The following EBF3 variants were observed in gnomAD, a reference collection of about 807,000 sequenced individuals.
EBF3 encodes the protein transcription factor COE3.
A neutral mutation model predicts 77.1 loss-of-function variants in EBF3; 18 were observed. The ratio of observed to expected loss-of-function variants is 0.23; its 90% CI spans 0.16 to 0.35. The LOEUF is 0.35. Among genes scored for constraint, EBF3 ranks in the 10% least tolerant of loss-of-function variants. The pLI is 1.00. For synonymous variants in EBF3, 350 were observed against 343.5 expected (o/e 1.02, Z -0.21); for missense variants, 558 against 860.0 (o/e 0.65, Z 4.39).
chr10:129,928,990 G>A (rs1267979423), intron 6 of EBF3, among the ~76,000 whole-genome samples: 1 of 152,226 alleles, frequency 6.6e-6, no homozygotes, highest in Non-Finnish European at 1.5e-5. Flanking sequence ...GTGGTCTGGA[G>A]TGTGGGGAGT....
intron 7 of EBF3, among the ~76,000 whole-genome samples, chr10:129,876,059 T>TGCA (rs1282197058): frequency 2.0e-5 from 3 of 152,246 alleles, no homozygotes; most frequent in African/African-American, 7.2e-5. Context: ...ACACAGGCTT[T>TGCA]GCAGTCATCT....
intron 6 of EBF3, among the ~76,000 whole-genome samples, chr10:129,884,986 G>A (rs1424385022): frequency 1.3e-5 from 2 of 152,072 alleles, no homozygotes; most frequent in East Asian, 1.9e-4. Flanking sequence ...TTTATCTCCT[G>A]ACAAATACCT....
In EBF3 at chr10:129,885,423, G is replaced by C. The variant is rs1202214957; in HGVS notation, c.555-7574C>G. 1.3e-5 allele frequency among the ~76,000 whole-genome samples: 2 copies of C among 152,134 alleles called. No individual in the cohort carries two copies. Among genetic ancestry groups the C allele is most frequent in the Non-Finnish European group, 2.9e-5 (2 of 68,036 alleles). On this transcript the variant is annotated intron_variant, in intron 6 of 16. Coordinates refer to ENST00000440978, the MANE Select transcript of EBF3 (RefSeq NM_001375380.1). The surrounding 1 kb of genome is among the most constrained non-coding windows in gnomAD (Gnocchi z 4.0). ...CGTCAGCCACCCCACTCCGCCCGCT[G>C]TCAGTGTTCTAGTTAGTATTTTCTG...
intron 6 of EBF3, among the ~76,000 whole-genome samples, chr10:129,928,658 C>T (rs946461318): frequency 4.6e-5 from 7 of 152,188 alleles, no homozygotes; most frequent in Non-Finnish European, 8.8e-5. Context: ...AGGCCCTCAC[C>T]GTCTGCTACC....
intron 6 of EBF3, among the ~76,000 whole-genome samples, chr10:129,910,875 A>C (rs1290104424): frequency 6.6e-6 from 1 of 152,182 alleles, no homozygotes; most frequent in African/African-American, 2.4e-5. Context: ...GGTTCCAAGC[A>C]GCTTTACTGC....
intron 4 of EBF3, among the ~76,000 whole-genome samples, chr10:129,959,674 G>A (rs532332722): frequency 3.3e-5 from 5 of 151,882 alleles, no homozygotes; most frequent in African/African-American, 1.2e-4. Flanking sequence ...CCGAGCTCCC[G>A]GGGCCTCCCT....
chr10:129,891,085 T>C (rs1853988279), intron 6 of EBF3, among the ~76,000 whole-genome samples: 1 of 152,210 alleles, frequency 6.6e-6, no homozygotes, highest in South Asian at 2.1e-4. Flanking sequence ...TTTATCTTCA[T>C]GAAAAATGAG....
At chr10:129,925,766 A>T (rs999928221) in intron 6 of EBF3, among the ~76,000 whole-genome samples, 10 of 152,174 alleles carry the variant, frequency 6.6e-5, no homozygotes, top group Admixed American at 3.9e-4. Flanking sequence ...AACAAAAAAC[A>T]TGTTCCAATC....
intron 10 of EBF3, among the ~76,000 whole-genome samples, chr10:129,852,218 T>C (rs1348591106): frequency 6.6e-6 from 1 of 152,220 alleles, no homozygotes. Context: ...CATATTTAAA[T>C]ATATTTGAGT....
intron 10 of EBF3, among the ~76,000 whole-genome samples, chr10:129,865,245 G>A (rs533124433): frequency 1.3e-5 from 2 of 152,314 alleles, no homozygotes; most frequent in African/African-American, 2.4e-5. Flanking sequence ...CAGGTACCTG[G>A]GGCCTACAGA....
At chr10:129,880,382 T>A (rs1042227904) in intron 6 of EBF3, among the ~76,000 whole-genome samples, 5 of 151,826 alleles carry the variant, frequency 3.3e-5, no homozygotes, top group Admixed American at 2.6e-4. Flanking sequence ...CACACTTGCA[T>A]ACACACACAT....
At chr10:129,888,047 C>A (rs186378413) in intron 6 of EBF3, among the ~76,000 whole-genome samples, 2 of 152,198 alleles carry the variant, frequency 1.3e-5, no homozygotes, top group African/African-American at 2.4e-5. Context: ...AAGCTGGGAA[C>A]CTTCTCTTCG....
At chr10:129,876,744 C>G (rs955684339) in intron 7 of EBF3, among the ~76,000 whole-genome samples, 9 of 152,316 alleles carry the variant, frequency 5.9e-5, no homozygotes, top group African/African-American at 2.2e-4. Flanking sequence ...TGTATTCTAG[C>G]CCAGACTATT....
At chr10:129,855,539 G>A (rs1363980493) in intron 10 of EBF3, among the ~76,000 whole-genome samples, 1 of 152,180 alleles carries the variant, frequency 6.6e-6, no homozygotes, top group Non-Finnish European at 1.5e-5. Flanking sequence ...TCGCCTCTGG[G>A]GACGGGACTG....
chr10:129,860,914 G>T (rs571594086), intron 10 of EBF3, among the ~76,000 whole-genome samples: 1 of 152,296 alleles, frequency 6.6e-6, no homozygotes, highest in East Asian at 1.9e-4. Flanking sequence ...TCTGTATGAG[G>T]TATAGTTCAT....
intron 6 of EBF3, among the ~76,000 whole-genome samples, chr10:129,950,014 G>A (rs1481474571): frequency 6.8e-6 from 1 of 147,062 alleles, no homozygotes; most frequent in Admixed American, 6.7e-5. Flanking sequence ...GGTGGAGGGA[G>A]GAGGGAGGAG....
In EBF3 at chr10:129,897,659, C is replaced by T. The variant is rs1185596096; in HGVS notation, c.555-19810G>A. ...CACTGTGCCTGCCTCAGAGCCCTGA[C>T]GGACAGCTGACATTCTCCTATTTAT... On this transcript the variant is annotated intron_variant, in intron 6 of 16. Transcript: ENST00000440978. This position sits in a 1 kb window ranked among gnomAD's most constrained non-coding sequence, Gnocchi z 4.6. Among the ~76,000 whole-genome samples, 5 of 152,126 alleles carry T rather than the reference C, an allele frequency of 3.3e-5. No individual in the cohort carries two copies. The highest frequency in any genetic ancestry group is 5.9e-5 in the Non-Finnish European group (4 of 68,016).
At position 129,864,608 on chromosome 10, in the gene EBF3, T is replaced by C. The variant is rs1346171218; in HGVS notation, c.1039+2533A>G. Among the ~76,000 whole-genome samples, 1 of 152,222 alleles carries C rather than the reference T, an allele frequency of 6.6e-6. No homozygotes were observed. The highest frequency in any genetic ancestry group is 6.5e-5 in the Admixed American group (1 of 15,282). ...CATCCACTAAAGCATTCATCCGGGA[T>C]GGGCTGACAGTCCAGTGTAAGAACA... is the stretch of plus-strand genomic sequence containing the variant. On this transcript the variant is annotated intron_variant, in intron 10 of 16. Coordinates refer to ENST00000440978, the MANE Select transcript of EBF3 (RefSeq NM_001375380.1). This position sits in a 1 kb window ranked among gnomAD's most constrained non-coding sequence, Gnocchi z 4.4.
rs1372354274 is a variant in EBF3 at position 129,947,354 on chromosome 10, T to C, written c.554+9904A>G. On this transcript the variant is annotated intron_variant, in intron 6 of 16. Transcript: ENST00000440978. This position sits in a 1 kb window ranked among gnomAD's most constrained non-coding sequence, Gnocchi z 4.5. The stretch of plus-strand genomic sequence containing the variant: ...CACATATAACTCTCAGCAGGTTTTA[T>C]GTTGTGTTTTACTGTCAGCAATGGC... 6.6e-6 allele frequency among the ~76,000 whole-genome samples: 1 copy of C among 152,216 alleles called. No individual in the cohort carries two copies. Among genetic ancestry groups the C allele is most frequent in the Non-Finnish European group, 1.5e-5 (1 of 68,036 alleles).
Sources: allele counts gnomAD v4.1 joint callset (sites outside exome capture counted in the v4.1 genomes callset), GRCh38; gene constraint gnomAD v4.1.1; non-coding constraint Gnocchi (gnomAD v3.1); transcripts MANE v1.5; gene names NCBI Gene and HGNC (gene_info 2026-07-23, HGNC 2026-07-21).